PP2D1: variants seen among roughly 807,000 people sequenced by gnomAD.
The protein encoded by PP2D1 is protein phosphatase 2C-like domain-containing protein 1.
A neutral mutation model predicts 30.2 loss-of-function variants in PP2D1; 25 were observed. The observed-to-expected ratio is 0.83, with a 90% CI of 0.60 to 1.16. The LOEUF (loss-of-function observed/expected upper bound fraction) is 1.16, where lower values mean the gene tolerates loss of function less well. Among genes scored for constraint, PP2D1 ranks in the 50% most tolerant of loss-of-function variants. The pLI is 0.00. For missense variants in PP2D1, 760 were observed against 742.4 expected (o/e 1.02, Z -0.28); for synonymous variants, 260 against 258.9 (o/e 1.00, Z -0.04).
chr3:20,009,739 C>T (rs1032133589), intron 1 of PP2D1, among the ~76,000 whole-genome samples: 5 of 152,078 alleles, frequency 3.3e-5, no homozygotes, highest in African/African-American at 1.2e-4. Flanking sequence ...ATGATTTACA[C>T]GTGGCAATAT....
intron 1 of PP2D1, among the ~76,000 whole-genome samples, chr3:20,008,614 C>T (rs1292737766): frequency 6.6e-6 from 1 of 152,034 alleles, no homozygotes; most frequent in Admixed American, 6.6e-5. Context: ...TGGGCGGGCG[C>T]TGTAGCTCAC....
At chr3:20,005,909 A>G (rs889643403) in intron 1 of PP2D1, among the ~76,000 whole-genome samples, 1 of 150,886 alleles carries the variant, frequency 6.6e-6, no homozygotes, top group Admixed American at 6.6e-5. Flanking sequence ...CCCAGCCCCA[A>G]TAGTAATTAT....
downstream of PP2D1, among the ~76,000 whole-genome samples, chr3:19,980,401 T>TA (rs1696901099): frequency 1.3e-5 from 2 of 152,246 alleles, no homozygotes; most frequent in African/African-American, 2.4e-5. Flanking sequence ...ATCTATGTTG[T>TA]AAATGGAATT....
intron 1 of PP2D1, among the ~76,000 whole-genome samples, chr3:20,011,747 C>G (rs568722707): frequency 6.6e-6 from 1 of 151,942 alleles, no homozygotes; most frequent in Non-Finnish European, 1.5e-5. Context: ...TGCAGTGAGC[C>G]GAGATCGCGC....
At chr3:20,011,073 T>A (rs890490681) in intron 1 of PP2D1, among the ~76,000 whole-genome samples, 2 of 151,964 alleles carry the variant, frequency 1.3e-5, no homozygotes, top group African/African-American at 4.8e-5. Context: ...TGATGAGACC[T>A]AAGAAAATGA....
At chr3:20,009,700 A>G (rs1697362637) in intron 1 of PP2D1, among the ~76,000 whole-genome samples, 1 of 152,192 alleles carries the variant, frequency 6.6e-6, no homozygotes, top group Admixed American at 6.5e-5. Context: ...ACTATGTGAT[A>G]GGCAAAAGGG....
chr3:20,012,110 C>G lies in PP2D1; in HGVS notation c.-38G>C. 6.6e-7 allele frequency: 1 copy of G among 1,508,304 alleles called. No individual in the cohort carries two copies. Among genetic ancestry groups the G allele is most frequent in the African/African-American group, 1.4e-5 (1 of 72,208 alleles). 93.4% of individuals were successfully genotyped at this position (1,508,304 alleles called of 1,614,324 possible). On this transcript the variant is annotated 5_prime_UTR_variant, in exon 1 of 3. Transcript: ENST00000389050. Reference sequence around the variant, plus strand: ...TTACCTTTCTTTGCCCTCCCTTTATCCCCTTCCCCTGGCCTCTATTTCTCC... The same window carrying G: ...TTACCTTTCTTTGCCCTCCCTTTATGCCCTTCCCCTGGCCTCTATTTCTCC...
chr3:20,000,073 G>A (rs1697232498), intron 2 of PP2D1, among the ~76,000 whole-genome samples: 1 of 152,186 alleles, frequency 6.6e-6, no homozygotes, highest in African/African-American at 2.4e-5. Flanking sequence ...CTGCCACAAA[G>A]TCCCACTCGC....
At chr3:19,984,184 T>C (rs1483065941), downstream of PP2D1, 2 of 420,496 alleles carry the variant, frequency 4.8e-6, no homozygotes, top group Non-Finnish European at 9.1e-6. Flanking sequence ...AAAAAAAAAT[T>C]GGAACTTACT....
chr3:19,989,650 C>T (rs1242028126), intron 2 of PP2D1, among the ~76,000 whole-genome samples: 19 of 152,094 alleles, frequency 1.2e-4, no homozygotes, highest in Admixed American at 1.2e-3. Flanking sequence ...TGAAGTGGCA[C>T]TTAATGTGAC....
At chr3:19,984,391 G>GC, downstream of PP2D1, 2 of 275,396 alleles carry the variant, frequency 7.3e-6, no homozygotes, top group South Asian at 6.4e-5. Context: ...AGTATTAATG[G>GC]TATCTTAATT....
intron 2 of PP2D1, among the ~76,000 whole-genome samples, chr3:19,992,476 G>T (rs374628028): frequency 1.6e-4 from 25 of 152,268 alleles, no homozygotes; most frequent in Non-Finnish European, 3.2e-4. Flanking sequence ...AAAACGGTAG[G>T]GATGGGGATA....
At chr3:19,986,319 T>A in intron 2 of PP2D1, 137 bp from the exon 3 acceptor site, 1 of 613,182 alleles carries the variant, frequency 1.6e-6, no homozygotes, top group Non-Finnish European at 2.7e-6. Context: ...CGTTTAAATA[T>A]GTGTAATATA....
downstream of PP2D1, chr3:19,984,173 G>GA (rs34961993): frequency 0.62 from 245,120 of 394,218 alleles, 76,690 homozygotes; most frequent in Non-Finnish European, 0.71. Context: ...AGTCACCTGT[G>GA]AAAAAAAAAT....
At chr3:19,983,180 A>G (rs1471764599), downstream of PP2D1, among the ~76,000 whole-genome samples, 2 of 151,912 alleles carry the variant, frequency 1.3e-5, no homozygotes, top group African/African-American at 4.8e-5. Flanking sequence ...CTACTAAAAA[A>G]CAAAAATTAG....
chr3:19,994,623 A>T (rs1257428763), intron 2 of PP2D1, among the ~76,000 whole-genome samples: 1 of 152,160 alleles, frequency 6.6e-6, no homozygotes, highest in South Asian at 2.1e-4. Context: ...ATTCCCCTAA[A>T]CATATATTAT....
chr3:20,001,112 A>AT lies in PP2D1; in HGVS notation c.1007dup (p.Asn336LysfsTer4), dbSNP rs1328071067. The stretch of plus-strand genomic sequence containing the variant: ...AGCTCTCTGCCAACCCATCATGGGT[A>AT]TTTTTTCTTTTCCAATTCTTATGAG... On this transcript the variant is annotated frameshift_variant, in exon 2 of 3. Coordinates refer to ENST00000389050, the MANE Select transcript of PP2D1 (RefSeq NM_001252657.2). LOFTEE classifies it high-confidence loss of function. 5.6e-6 allele frequency: 8 copies of AT among 1,427,812 alleles called. No homozygotes were observed. The East Asian group carries it at 2.0e-4, about 36-fold the overall frequency. The allele number at this position is 1,427,812 out of a possible 1,614,324, so 88.4% of individuals were successfully genotyped here. A position where few individuals can be genotyped will look rare whatever the true frequency, so the allele number is the denominator to read the frequency against.
intron 2 of PP2D1, among the ~76,000 whole-genome samples, chr3:19,995,492 T>C (rs1446183206): frequency 1.3e-5 from 2 of 152,234 alleles, no homozygotes; most frequent in African/African-American, 2.4e-5. Flanking sequence ...ACACCTTGAC[T>C]TCAGGCATCT....
rs1697020021 is a variant in PP2D1, at chr3:19,985,682, T to G, written c.1591A>C (p.Lys531Gln). The change falls in exon 3 of 3, where the codon AAA (lysine) becomes CAA (glutamine). Residue 531 changes from lysine (K) to glutamine (Q), a missense_variant. By Grantham distance (53) the Lys-to-Gln change is moderately conservative. Transcript: ENST00000389050. ...SEVRVSTTNS[K>Q]ENLSDSNYSK... The stretch of plus-strand genomic sequence containing the variant: ...TAGTTTGAATCGGATAAATTTTCTT[T>G]GGAATTTGTAGTTGACACACGTACT... The G allele has an allele frequency of 6.5e-7, 1 of 1,535,946 alleles. No individual in the cohort carries two copies. Among genetic ancestry groups the G allele is most frequent in the Non-Finnish European group, 8.7e-7 (1 of 1,146,738 alleles).
Sources: allele counts gnomAD v4.1 joint callset (sites outside exome capture counted in the v4.1 genomes callset), GRCh38; gene constraint gnomAD v4.1.1; transcripts MANE v1.5; gene names NCBI Gene and HGNC (gene_info 2026-07-23, HGNC 2026-07-21).